The following CNTNAP2 variants were observed in gnomAD, a reference collection of about 807,000 sequenced individuals.
CNTNAP2 encodes contactin-associated protein-like 2.
In CNTNAP2, 98 loss-of-function variants were observed where a neutral mutation model predicts 155.2. The ratio of observed to expected loss-of-function variants is 0.63; its 90% CI spans 0.54 to 0.75. CNTNAP2 has a LOEUF of 0.75. Among genes scored for constraint, CNTNAP2 ranks in the 30% least tolerant of loss-of-function variants. CNTNAP2 has a pLI of 0.00. For synonymous variants in CNTNAP2, 651 were observed against 631.2 expected (o/e 1.03, Z -0.47); for missense variants, 1,727 against 1,688.1 (o/e 1.02, Z -0.40).
chr7:148,229,843 C>A, intron 20 of CNTNAP2, 64 bp downstream of exon 20: 1 of 1,596,790 alleles, frequency 6.3e-7, no homozygotes, highest in Non-Finnish European at 8.5e-7. Context: ...CCCTATAATG[C>A]TTGGCCATTG....
chr7:146,625,729 A>G (rs1350313098), intron 1 of CNTNAP2, among the ~76,000 whole-genome samples: 1 of 152,066 alleles, frequency 6.6e-6, no homozygotes, highest in Non-Finnish European at 1.5e-5. Context: ...TTGGTTTTCA[A>G]AAGACCATGT....
At chr7:146,974,129 A>G (rs1797859805) in intron 3 of CNTNAP2, among the ~76,000 whole-genome samples, 1 of 152,186 alleles carries the variant, frequency 6.6e-6, no homozygotes, top group South Asian at 2.1e-4. Context: ...GCTAGCCTGA[A>G]GATGAAGACA....
At chr7:147,199,186 C>A (rs1417331040) in intron 8 of CNTNAP2, among the ~76,000 whole-genome samples, 2 of 151,742 alleles carry the variant, frequency 1.3e-5, no homozygotes, top group East Asian at 1.9e-4. Flanking sequence ...GGTCTTGAAC[C>A]ACTGAGCTCA....
intron 1 of CNTNAP2, among the ~76,000 whole-genome samples, chr7:146,179,260 A>G (rs953361337): frequency 1.3e-5 from 2 of 152,142 alleles, no homozygotes; most frequent in South Asian, 2.1e-4. Flanking sequence ...TGGACAGGGT[A>G]TCGCCATGGA....
intron 13 of CNTNAP2, among the ~76,000 whole-genome samples, chr7:147,876,543 T>A (rs1476471370): frequency 6.6e-6 from 1 of 152,114 alleles, no homozygotes; most frequent in East Asian, 1.9e-4. Context: ...ATGGGTAAAG[T>A]GGCTGAAGTT....
chr7:146,624,787 G>A (rs1799392308), intron 1 of CNTNAP2, among the ~76,000 whole-genome samples: 2 of 151,986 alleles, frequency 1.3e-5, no homozygotes, highest in South Asian at 2.1e-4. Flanking sequence ...GATTGGGATT[G>A]TGTTGAATCT....
intron 1 of CNTNAP2, among the ~76,000 whole-genome samples, chr7:146,211,352 C>T (rs1171673389): frequency 6.6e-6 from 1 of 152,148 alleles, no homozygotes. Context: ...AAAGAAAAGT[C>T]TACCTTTCAA....
chr7:148,042,258 T>A (rs1163217619), intron 15 of CNTNAP2, among the ~76,000 whole-genome samples: 1 of 152,246 alleles, frequency 6.6e-6, no homozygotes, highest in Non-Finnish European at 1.5e-5. Flanking sequence ...GCATCTGGTC[T>A]CCACAACTCT....
At chr7:147,028,288 G>A (rs1298462579) in intron 3 of CNTNAP2, among the ~76,000 whole-genome samples, 1 of 152,202 alleles carries the variant, frequency 6.6e-6, no homozygotes. Context: ...TTCTATCCTT[G>A]AAAGTTTGGA....
intron 11 of CNTNAP2, among the ~76,000 whole-genome samples, chr7:147,511,727 G>T (rs896823956): frequency 6.6e-6 from 1 of 151,488 alleles, no homozygotes; most frequent in Non-Finnish European, 1.5e-5. Context: ...TGTGTAGATA[G>T]AAAGCTCTTT....
At chr7:146,413,846 C>G (rs1184118535) in intron 1 of CNTNAP2, among the ~76,000 whole-genome samples, 4 of 151,434 alleles carry the variant, frequency 2.6e-5, no homozygotes. Context: ...TCTTTTTTTT[C>G]TTTTTTAAAA....
At chr7:146,796,135 G>A (rs1394683583) in intron 2 of CNTNAP2, among the ~76,000 whole-genome samples, 1 of 152,098 alleles carries the variant, frequency 6.6e-6, no homozygotes, top group Non-Finnish European at 1.5e-5. Flanking sequence ...AAACCAGAAA[G>A]AAACAGAAAG....
intron 1 of CNTNAP2, among the ~76,000 whole-genome samples, chr7:146,560,809 A>T (rs148144111): frequency 0.011 from 1,629 of 152,194 alleles, 22 homozygotes; most frequent in Middle Eastern, 0.031. Flanking sequence ...ACTTCTCTCT[A>T]TTCCAAAGCT....
Position 147,758,419 on chromosome 7 carries a change from G to A in CNTNAP2, c.2098+119113G>A, listed in dbSNP as rs76885399. On this transcript the variant is annotated intron_variant, in intron 13 of 23. Coordinates refer to ENST00000361727, the MANE Select transcript of CNTNAP2 (RefSeq NM_014141.6). ...ACTGCTTTCTCTCCCCTAAGCTCTG[G>A]TTTAGTTTCTGATGCCCTGAACATC... 4.3e-4 allele frequency among the ~76,000 whole-genome samples: 66 copies of A among 152,304 alleles called. No homozygotes were observed. The East Asian group carries it at 0.012, about 28-fold the overall frequency.
intron 1 of CNTNAP2, among the ~76,000 whole-genome samples, chr7:146,449,858 G>C (rs1796452505): frequency 6.6e-6 from 1 of 152,096 alleles, no homozygotes; most frequent in Non-Finnish European, 1.5e-5. Flanking sequence ...GCACTATCCT[G>C]TCAGCACAGA....
At chr7:146,768,892 A>C (rs73740854) in intron 1 of CNTNAP2, among the ~76,000 whole-genome samples, 6,616 of 152,240 alleles carry the variant, frequency 0.043, 484 homozygotes, top group African/African-American at 0.15. Context: ...TTTGAAAACC[A>C]TACTTTTGTG....
At chr7:147,802,992 AACAG>A (rs1479848260) in intron 13 of CNTNAP2, among the ~76,000 whole-genome samples, 16 of 152,176 alleles carry the variant, frequency 1.1e-4, no homozygotes, top group African/African-American at 3.4e-4. Flanking sequence ...AAACCTAATA[AACAG>A]ACAAAGGAAA....
chr7:147,183,888 C>T (rs748195947), intron 8 of CNTNAP2, among the ~76,000 whole-genome samples: 11 of 152,092 alleles, frequency 7.2e-5, no homozygotes, highest in Admixed American at 1.3e-4. Context: ...GTGGTGCCTA[C>T]TATAGTTTTT....
chr7:147,957,767 A>G (rs1801044462), intron 14 of CNTNAP2, among the ~76,000 whole-genome samples: 1 of 152,158 alleles, frequency 6.6e-6, no homozygotes, highest in African/African-American at 2.4e-5. Context: ...TGTATACGTA[A>G]AAAAAGATAT....
Sources: gnomAD v4.1 joint callset for allele counts (sites outside exome capture counted in the v4.1 genomes callset) on GRCh38, gnomAD v4.1.1 for gene constraint, MANE v1.5 for transcripts, NCBI Gene and HGNC (gene_info 2026-07-23, HGNC 2026-07-21) for gene names.